Variants in OR2C1 observed in about 807,000 individuals in gnomAD.
OR2C1 encodes olfactory receptor family 2 subfamily C member 1.
For synonymous variants in OR2C1, 209 were observed against 167.3 expected (o/e 1.25, Z -1.92); for missense variants, 468 against 388.3 (o/e 1.21, Z -1.73).
the OR2C1 span, among the ~76,000 whole-genome samples, chr16:3,342,099 A>G: frequency 6.6e-6 from 1 of 152,022 alleles, no homozygotes; most frequent in Non-Finnish European, 1.5e-5. Context: ...AAAAATACAA[A>G]ATTTAGCTAG....
At chr16:3,351,427 A>T (rs1324306429), upstream of OR2C1, among the ~76,000 whole-genome samples, 1 of 152,024 alleles carries the variant, frequency 6.6e-6, no homozygotes, top group Non-Finnish European at 1.5e-5. Context: ...AAATCTCCTC[A>T]TAATAGTGAA....
chr16:3,336,704 C>CTT, the OR2C1 span, among the ~76,000 whole-genome samples: 6 of 45,012 alleles, frequency 1.3e-4, 1 homozygote, highest in African/African-American at 3.4e-4. Context: ...TCTTTTCTTT[C>CTT]TTTCTTTCTT....
chr16:3,344,128 CG>C, the OR2C1 span, among the ~76,000 whole-genome samples: 2 of 151,058 alleles, frequency 1.3e-5, no homozygotes, highest in Non-Finnish European at 3.0e-5. Context: ...GGCCGAGGCA[CG>C]AGAATCACTT....
the OR2C1 span, among the ~76,000 whole-genome samples, chr16:3,343,180 CAT>C: frequency 3.9e-5 from 6 of 152,148 alleles, no homozygotes; most frequent in African/African-American, 7.2e-5. Flanking sequence ...CAGACCTACA[CAT>C]GTGATAAAAT....
Position 3,356,567 on chromosome 16 carries a change from C to T in OR2C1, c.627C>T (p.Val209=), listed in dbSNP as rs1220783334. Residue 209 remains valine, a synonymous_variant, in exon 1 of 1, where the codon GTC becomes GTT. Transcript: ENST00000304936. ...LNGVCTFFTA[V]PLSIIVISYC... ...GTGTCTGCACCTTCTTCACTGCAGT[C>T]CCACTAAGCATCATCGTGATCTCCT... 1.9e-6 allele frequency: 3 copies of T among 1,614,150 alleles called. No homozygotes were observed. The East Asian group carries it at 6.7e-5, about 36-fold the overall frequency.
the OR2C1 span, chr16:3,323,810 T>C: frequency 1.1e-6 from 1 of 948,918 alleles, no homozygotes; most frequent in Non-Finnish European, 1.6e-6. Flanking sequence ...CCGCTGCTCC[T>C]TCTTTGCCAA....
chr16:3,351,105 C>G (rs938052456), upstream of OR2C1, among the ~76,000 whole-genome samples: 2 of 151,470 alleles, frequency 1.3e-5, no homozygotes, highest in African/African-American at 4.9e-5. Context: ...CTAAGCATAC[C>G]TTATTTTTCT....
chr16:3,351,431 T>C (rs1317282349), upstream of OR2C1, among the ~76,000 whole-genome samples: 1 of 152,006 alleles, frequency 6.6e-6, no homozygotes, highest in Non-Finnish European at 1.5e-5. Flanking sequence ...CTCCTCATAA[T>C]AGTGAAGACA....
At chr16:3,333,489 C>T in the OR2C1 span, among the ~76,000 whole-genome samples, 1 of 151,926 alleles carries the variant, frequency 6.6e-6, no homozygotes, top group Non-Finnish European at 1.5e-5. Context: ...GCACCCACTA[C>T]CGCGCCCGGC....
the OR2C1 span, among the ~76,000 whole-genome samples, chr16:3,339,777 A>T: frequency 6.6e-6 from 1 of 152,046 alleles, no homozygotes; most frequent in Non-Finnish European, 1.5e-5. Context: ...TCATATCAGC[A>T]ATGCATGAGA....
chr16:3,339,720 T>C, the OR2C1 span, among the ~76,000 whole-genome samples: 14 of 152,196 alleles, frequency 9.2e-5, no homozygotes, highest in African/African-American at 3.1e-4. Context: ...CCTCCCAAAG[T>C]GTTGGGATTA....
the OR2C1 span, among the ~76,000 whole-genome samples, chr16:3,332,927 A>G: frequency 1.2e-4 from 19 of 152,098 alleles, no homozygotes; most frequent in African/African-American, 3.4e-4. Context: ...TGGTAGTTCT[A>G]TTTTTAGTTT....
chr16:3,332,236 T>G, the OR2C1 span, among the ~76,000 whole-genome samples: 2 of 151,778 alleles, frequency 1.3e-5, no homozygotes, highest in African/African-American at 2.4e-5. Context: ...TAATAATCAA[T>G]TAAAAAAATA....
chr16:3,355,607 C>A (rs2030653091), upstream of OR2C1, among the ~76,000 whole-genome samples: 1 of 151,936 alleles, frequency 6.6e-6, no homozygotes, highest in South Asian at 2.1e-4. Context: ...CATGGCAAAA[C>A]CCCATCTCTA....
chr16:3,324,785 A>G, the OR2C1 span, among the ~76,000 whole-genome samples: 1 of 152,174 alleles, frequency 6.6e-6, no homozygotes, highest in Non-Finnish European at 1.5e-5. Flanking sequence ...ATATGTACAT[A>G]CATACATATA....
chr16:3,350,871 G>C, the OR2C1 span, among the ~76,000 whole-genome samples: 1 of 150,766 alleles, frequency 6.6e-6, no homozygotes, highest in Non-Finnish European at 1.5e-5. Flanking sequence ...AGCAGAAAAG[G>C]ATCATAAAAG....
At chr16:3,353,212 C>T (rs1483907638), upstream of OR2C1, among the ~76,000 whole-genome samples, 1 of 151,894 alleles carries the variant, frequency 6.6e-6, no homozygotes, top group Admixed American at 6.6e-5. Flanking sequence ...AATAAGTAGG[C>T]CGGTCGCGGT....
chr16:3,352,654 T>C (rs2030590115), upstream of OR2C1, among the ~76,000 whole-genome samples: 1 of 152,092 alleles, frequency 6.6e-6, no homozygotes, highest in Non-Finnish European at 1.5e-5. Context: ...AAAATCCCTG[T>C]TCACTTTGTC....
the OR2C1 span, chr16:3,323,209 G>T: frequency 5.5e-6 from 4 of 728,844 alleles, no homozygotes; most frequent in African/African-American, 1.7e-5. Context: ...CAGATGAGCT[G>T]ATTGATGCAT....
Sources: allele counts gnomAD v4.1 joint callset (sites outside exome capture counted in the v4.1 genomes callset), GRCh38; gene constraint gnomAD v4.1.1; transcripts MANE v1.5; gene names NCBI Gene and HGNC (gene_info 2026-07-23, HGNC 2026-07-21).